Variants in TRAK1 observed in about 807,000 individuals in gnomAD.
The protein encoded by TRAK1 is trafficking kinesin protein 1.
In TRAK1, 33 loss-of-function variants were observed where a neutral mutation model predicts 92.1. The ratio of observed to expected loss-of-function variants is 0.36; its 90% confidence interval spans 0.27 to 0.48. The LOEUF is 0.48. TRAK1 is among the 20% of genes least tolerant of loss of function. The pLI, the probability that TRAK1 is intolerant of heterozygous loss-of-function variation, is 0.99. For synonymous variants in TRAK1, 521 were observed against 517.3 expected (o/e 1.01, Z -0.10); for missense variants, 1,123 against 1,257.9 (o/e 0.89, Z 1.62).
At chr3:42,097,121 A>C (rs146979295) in intron 1 of TRAK1, among the ~76,000 whole-genome samples, 3 of 152,268 alleles carry the variant, frequency 2.0e-5, no homozygotes, top group Admixed American at 1.3e-4. Context: ...TCAGTAATCT[A>C]TATTGGAGAC....
chr3:42,210,365 C>G (rs928371549), intron 14 of TRAK1: 3 of 1,326,734 alleles, frequency 2.3e-6, no homozygotes, highest in Non-Finnish European at 2.9e-6. Flanking sequence ...GGTGCATGGC[C>G]CATCAGGGAT....
At chr3:42,048,216 G>A (rs1006710995) in intron 1 of TRAK1, among the ~76,000 whole-genome samples, 1 of 152,022 alleles carries the variant, frequency 6.6e-6, no homozygotes, top group Non-Finnish European at 1.5e-5. Context: ...TTTATCTACT[G>A]AGAGATAGGC....
At chr3:42,014,200 C>T (rs1701421954) in intron 1 of TRAK1, 2 of 152,332 alleles carry the variant, frequency 1.3e-5, no homozygotes, top group Admixed American at 1.3e-4. Context: ...TGGGAGTGTC[C>T]GCGTGAGATA....
At chr3:42,169,072 C>T (rs967257495) in intron 2 of TRAK1, among the ~76,000 whole-genome samples, 1 of 152,118 alleles carries the variant, frequency 6.6e-6, no homozygotes, top group Non-Finnish European at 1.5e-5. Context: ...GATCTACCCG[C>T]CTTGGCCTCC....
At chr3:42,091,283 T>C, upstream of TRAK1, 1 of 570,724 alleles carries the variant, frequency 1.8e-6, no homozygotes, top group Non-Finnish European at 3.0e-6. Context: ...GTTCCCAGGC[T>C]GCCTGGAGTT....
At chr3:42,026,329 T>C (rs528406870) in intron 1 of TRAK1, among the ~76,000 whole-genome samples, 1 of 152,270 alleles carries the variant, frequency 6.6e-6, no homozygotes, top group African/African-American at 2.4e-5. Context: ...TTGAATTGCG[T>C]GGTTAGCTTG....
At chr3:42,151,381 T>C (rs955623866) in intron 2 of TRAK1, 3 of 456,562 alleles carry the variant, frequency 6.6e-6, no homozygotes, top group African/African-American at 2.0e-5. Flanking sequence ...CTGATCTGTC[T>C]TCCTCTAAGA....
intron 10 of TRAK1, among the ~76,000 whole-genome samples, chr3:42,196,641 G>C (rs1010970504): frequency 2.7e-5 from 4 of 149,870 alleles, no homozygotes; most frequent in Non-Finnish European, 5.9e-5. Flanking sequence ...GAGTTCAAGC[G>C]ATTCTCCTGC....
At chr3:42,015,955 T>G (rs539291855) in intron 1 of TRAK1, among the ~76,000 whole-genome samples, 3 of 152,174 alleles carry the variant, frequency 2.0e-5, no homozygotes, top group Admixed American at 1.3e-4. Flanking sequence ...GAGAATAGCT[T>G]GAATCCGGGA....
chr3:42,145,847 C>G (rs1699260044), intron 2 of TRAK1: 2 of 247,458 alleles, frequency 8.1e-6, no homozygotes, highest in Non-Finnish European at 1.6e-5. Flanking sequence ...ACTCGAGGTA[C>G]TGAAACCCTT....
At chr3:42,149,800 C>T (rs1287040972) in intron 2 of TRAK1, among the ~76,000 whole-genome samples, 1 of 152,114 alleles carries the variant, frequency 6.6e-6, no homozygotes, top group East Asian at 1.9e-4. Context: ...TGAAAGACTC[C>T]TGCAGTATGT....
intron 3 of TRAK1, among the ~76,000 whole-genome samples, chr3:42,177,529 A>G (rs945969384): frequency 2.0e-5 from 3 of 152,242 alleles, no homozygotes; most frequent in Non-Finnish European, 4.4e-5. Context: ...CTCCATCATT[A>G]ATGCACTGCC....
At chr3:42,187,549 C>G (rs1441420538) in intron 4 of TRAK1, among the ~76,000 whole-genome samples, 1 of 152,056 alleles carries the variant, frequency 6.6e-6, no homozygotes, top group Non-Finnish European at 1.5e-5. Context: ...CTCACTACAA[C>G]CCCTGCCTCC....
chr3:42,077,976 T>C (rs964367634), intron 1 of TRAK1, among the ~76,000 whole-genome samples: 3 of 152,236 alleles, frequency 2.0e-5, no homozygotes, highest in Non-Finnish European at 4.4e-5. Context: ...TTGTGTCTAC[T>C]TCTTCCGCAG....
At position 42,176,877 on chromosome 3, in the gene TRAK1, G is replaced by A. The variant is rs564059529; in HGVS notation, c.350G>A (p.Arg117Gln). The A allele has an allele frequency of 1.4e-5, 22 of 1,613,966 alleles. No individual in the cohort carries two copies. The highest frequency in any genetic ancestry group is 6.6e-5 in the South Asian group (6 of 91,038). The change falls in exon 3 of 16, where the codon CGG (arginine) becomes CAG (glutamine). Residue 117 changes from arginine to glutamine, a missense_variant. Arg to Gln is a conservative substitution (Grantham distance 43, BLOSUM62 1). Coordinates refer to ENST00000327628, the MANE Select transcript of TRAK1 (RefSeq NM_001042646.3). ...KTYNDIDAVT[R>Q]LLEEKERDLE... The stretch of plus-strand genomic sequence containing the variant: ...TATAATGACATAGATGCTGTCACTC[G>A]GCTTCTTGAGGAGGTAAGTGCTCCA...
upstream of TRAK1, among the ~76,000 whole-genome samples, chr3:42,088,797 C>T (rs1280311431): frequency 6.6e-6 from 1 of 152,212 alleles, no homozygotes; most frequent in Non-Finnish European, 1.5e-5. Flanking sequence ...CACACTCTCC[C>T]TGTTCTTCTG....
intron 2 of TRAK1, among the ~76,000 whole-genome samples, chr3:42,148,570 C>T (rs1237381326): frequency 6.6e-6 from 1 of 152,166 alleles, no homozygotes; most frequent in Non-Finnish European, 1.5e-5. Context: ...TAACTTCCTG[C>T]AGGTGGACTT....
chr3:42,132,709 G>A (rs942340103), intron 2 of TRAK1, among the ~76,000 whole-genome samples: 8 of 152,114 alleles, frequency 5.3e-5, no homozygotes, highest in Non-Finnish European at 1.2e-4. Context: ...TGACTGTGAT[G>A]TACTCCTCTA....
intron 1 of TRAK1, among the ~76,000 whole-genome samples, chr3:42,066,492 C>T (rs1431662299): frequency 6.7e-6 from 1 of 149,706 alleles, no homozygotes; most frequent in African/African-American, 2.5e-5. Flanking sequence ...CCCACCCCCA[C>T]CCCAAGCAGC....
Sources: allele counts gnomAD v4.1 joint callset (sites outside exome capture counted in the v4.1 genomes callset), GRCh38; gene constraint gnomAD v4.1.1; transcripts MANE v1.5; gene names NCBI Gene and HGNC (gene_info 2026-07-23, HGNC 2026-07-21).